GPR55: variants seen among roughly 807,000 people sequenced by gnomAD.
GPR55 encodes the protein G-protein coupled receptor 55.
Under a neutral mutation model 7.9 loss-of-function variants are expected in GPR55, and 6 were observed. That is an observed-to-expected ratio of 0.76 (90% CI 0.41 to 1.49). GPR55 has a LOEUF of 1.49. GPR55 is among the 40% of genes most tolerant of loss of function. The pLI, the probability that GPR55 is intolerant of heterozygous loss-of-function variation, is 0.01. For missense variants in GPR55, 376 were observed against 406.0 expected (o/e 0.93, Z 0.63); for synonymous variants, 183 against 166.8 (o/e 1.10, Z -0.75).
At chr2:230,958,768 A>G (rs1252244114) in intron 1 of GPR55, among the ~76,000 whole-genome samples, 2 of 152,240 alleles carry the variant, frequency 1.3e-5, no homozygotes, top group Non-Finnish European at 2.9e-5. Flanking sequence ...GTAGTTTGGT[A>G]ATGTGTAAAT....
At chr2:230,928,171 C>T (rs1690973536), upstream of GPR55, among the ~76,000 whole-genome samples, 1 of 152,154 alleles carries the variant, frequency 6.6e-6, no homozygotes, top group African/African-American at 2.4e-5. Context: ...GGGGCACGGG[C>T]CGCCCCGGGG....
intron 1 of GPR55, among the ~76,000 whole-genome samples, chr2:230,950,746 G>C (rs991554456): frequency 5.9e-5 from 9 of 152,090 alleles, no homozygotes; most frequent in Non-Finnish European, 1.3e-4. Flanking sequence ...TAGGCCTCAG[G>C]AAACAGAATC....
chr2:230,959,659 A>G (rs1691540361), intron 1 of GPR55, among the ~76,000 whole-genome samples: 1 of 89,180 alleles, frequency 1.1e-5, no homozygotes, highest in African/African-American at 4.3e-5. Context: ...TTCCTAAAGC[A>G]CTGCATTATT....
At chr2:230,920,316 A>G (rs1690804492) in intron 1 of GPR55, among the ~76,000 whole-genome samples, 1 of 152,130 alleles carries the variant, frequency 6.6e-6, no homozygotes, top group Non-Finnish European at 1.5e-5. Context: ...TATGCATTGA[A>G]TTCACCAAAG....
intron 1 of GPR55, among the ~76,000 whole-genome samples, chr2:230,949,536 G>C (rs958502200): frequency 6.6e-6 from 1 of 152,176 alleles, no homozygotes; most frequent in African/African-American, 2.4e-5. Flanking sequence ...TCAATTCCCC[G>C]GCCTAGATCA....
chr2:230,952,725 C>T (rs1691423409), intron 1 of GPR55, among the ~76,000 whole-genome samples: 2 of 152,174 alleles, frequency 1.3e-5, no homozygotes, highest in Non-Finnish European at 2.9e-5. Flanking sequence ...AAATGGCCCA[C>T]GGCCACCCTG....
chr2:230,907,780 T>A lies in GPR55; in HGVS notation c.*2223A>T, dbSNP rs916540245. 1 of 152,160 alleles carries A rather than the reference T, an allele frequency of 6.6e-6. No individual in the cohort carries two copies. Among genetic ancestry groups the A allele is most frequent in the Admixed American group, 6.5e-5 (1 of 15,274 alleles). The allele number at this position is 152,160 out of a possible 1,614,324, so 9.4% of individuals were successfully genotyped here. On this transcript the variant is annotated 3_prime_UTR_variant, in exon 2 of 2. Transcript: ENST00000650999. ...TGGAGAGAGTCATGCTGCACATAGA[T>A]AAGATTTTATGTTTGAACATCGCTG...
At chr2:230,951,906 A>C (rs911912505) in intron 1 of GPR55, among the ~76,000 whole-genome samples, 1 of 150,402 alleles carries the variant, frequency 6.6e-6, no homozygotes, top group Non-Finnish European at 1.5e-5. Context: ...CTACAGGTAC[A>C]TACCACCAGG....
intron 1 of GPR55, among the ~76,000 whole-genome samples, chr2:230,932,975 G>A (rs958086705): frequency 6.6e-6 from 1 of 152,218 alleles, no homozygotes; most frequent in African/African-American, 2.4e-5. Context: ...TCTGACTTCA[G>A]AGCCCCAGGA....
At position 230,917,041 on chromosome 2, in the gene GPR55, G is replaced by T. The variant is rs28432992; in HGVS notation, c.-134-5945C>A. On this transcript the variant is annotated intron_variant, in intron 1 of 1. Coordinates refer to ENST00000650999, the MANE Select transcript of GPR55 (RefSeq NM_005683.4). Reference sequence around the variant, plus strand: ...CAAATATAAACAAAAGAAAGACAGGGAGGCAATATTCATAACTAGCCTTGT... The same window carrying T: ...CAAATATAAACAAAAGAAAGACAGGTAGGCAATATTCATAACTAGCCTTGT... Among the ~76,000 whole-genome samples the T allele has an allele frequency of 9.2e-3, 1,395 of 152,282 alleles. 19 individuals carry two copies. Among genetic ancestry groups the T allele is most frequent in the African/African-American group, 0.032 (1,327 of 41,534 alleles).
chr2:230,927,429 G>T (rs1207046457), upstream of GPR55, among the ~76,000 whole-genome samples: 1 of 152,238 alleles, frequency 6.6e-6, no homozygotes, highest in African/African-American at 2.4e-5. Flanking sequence ...CTCGCCCAAG[G>T]CCCCGTCCTA....
rs116601460 is a variant in GPR55 at position 230,908,487 on chromosome 2, C to T, written c.*1516G>A. On this transcript the variant is annotated 3_prime_UTR_variant, in exon 2 of 2. Transcript: ENST00000650999. ...TCCCTGCAGGCTTCAAGCCTAGGGC[C>T]ACGGCTCAGCTTCCCCTCCTTTTCC... 715 of 154,770 alleles carry T rather than the reference C, an allele frequency of 4.6e-3. 5 individuals carry two copies. The highest frequency in any genetic ancestry group is 0.016 in the African/African-American group (667 of 41,588). 9.6% of individuals were successfully genotyped at this position (154,770 alleles called of 1,614,324 possible).
At chr2:230,943,834 C>G (rs1194176749) in intron 1 of GPR55, among the ~76,000 whole-genome samples, 1 of 152,222 alleles carries the variant, frequency 6.6e-6, no homozygotes, top group Admixed American at 6.5e-5. Flanking sequence ...GCTTCCTCTT[C>G]GCCTTCTGCC....
At chr2:230,922,290 T>G (rs779401921) in intron 1 of GPR55, among the ~76,000 whole-genome samples, 2 of 152,144 alleles carry the variant, frequency 1.3e-5, no homozygotes, top group Non-Finnish European at 2.9e-5. Flanking sequence ...TCCTCCTGGC[T>G]CCCTCTGCTT....
At position 230,910,254 on chromosome 2, in the gene GPR55, C is replaced by T. The variant is rs1385931811; in HGVS notation, c.709G>A (p.Val237Ile). 6.2e-7 allele frequency: 1 copy of T among 1,614,072 alleles called. No individual in the cohort carries two copies. The highest frequency in any genetic ancestry group is 1.7e-5 in the Admixed American group (1 of 60,020). The change falls in exon 2 of 2, where the codon GTC (valine) becomes ATC (isoleucine). Residue 237 changes from valine (V) to isoleucine (I), a missense_variant. Val to Ile is a conservative substitution (Grantham distance 29, BLOSUM62 3). Transcript: ENST00000650999. This position sits in a 1 kb window ranked among gnomAD's most constrained non-coding sequence, Gnocchi z 5.4. The part of the protein sequence containing the change: ...SIAASLAVFV[V>I]SFLPVHLGFF... ...CCCAGGTGGACTGGGAGGAAGGAGA[C>T]CACGAAGACAGCCAGGCTGGCTGCG...
At chr2:230,932,625 C>T (rs1691065464) in intron 1 of GPR55, among the ~76,000 whole-genome samples, 1 of 152,202 alleles carries the variant, frequency 6.6e-6, no homozygotes, top group South Asian at 2.1e-4. Context: ...ACAGTCTCCA[C>T]GTGGGGCTCG....
intron 1 of GPR55, among the ~76,000 whole-genome samples, chr2:230,931,893 A>G (rs918112981): frequency 3.3e-5 from 5 of 151,820 alleles, no homozygotes; most frequent in Non-Finnish European, 7.4e-5. Context: ...ATGCTCCTGG[A>G]GCCAAAGGGA....
chr2:230,949,145 G>A (rs1470425128), intron 1 of GPR55, among the ~76,000 whole-genome samples: 1 of 138,804 alleles, frequency 7.2e-6, no homozygotes. Context: ...ATGCTTTTAT[G>A]GCTCTTTTTT....
At chr2:230,956,955 G>C (rs939211217) in intron 1 of GPR55, among the ~76,000 whole-genome samples, 11 of 150,020 alleles carry the variant, frequency 7.3e-5, no homozygotes, top group South Asian at 6.3e-4. Context: ...ATCCCCCTGT[G>C]GATGCCTGAA....
Sources: gnomAD v4.1 joint callset for allele counts (sites outside exome capture counted in the v4.1 genomes callset) on GRCh38, gnomAD v4.1.1 for gene constraint, Gnocchi (gnomAD v3.1) non-coding constraint, MANE v1.5 for transcripts, NCBI Gene and HGNC (gene_info 2026-07-23, HGNC 2026-07-21) for gene names.